The following IL1RAPL1 variants were observed in gnomAD, a reference collection of about 807,000 sequenced individuals.
IL1RAPL1 encodes the protein interleukin-1 receptor accessory protein-like 1.
Under a neutral mutation model 48.4 loss-of-function variants are expected in IL1RAPL1, and 3 were observed. That is an observed-to-expected ratio of 0.06 (90% confidence interval 0.03 to 0.16). The LOEUF (loss-of-function observed/expected upper bound fraction) is 0.16, where lower values mean the gene tolerates loss of function less well. Ranked by LOEUF, IL1RAPL1 falls within the 10% of genes least tolerant of loss-of-function variation. IL1RAPL1 has a pLI of 1.00. For missense variants in IL1RAPL1, 349 were observed against 530.6 expected, an observed-to-expected ratio of 0.66 and a Z score of 3.36; for synonymous variants, 185 against 187.7, an observed-to-expected ratio of 0.99 and a Z score of 0.12.
chrX:29,151,926 A>G (rs1484139204), intron 2 of IL1RAPL1, among the ~76,000 whole-genome samples: 1 of 111,920 alleles, frequency 8.9e-6, no homozygotes, highest in Non-Finnish European at 1.9e-5. Flanking sequence ...CTGCCAGCCT[A>G]TATATTATTT....
intron 5 of IL1RAPL1, among the ~76,000 whole-genome samples, chrX:29,634,051 CAAG>C (rs779418699): frequency 2.5e-4 from 28 of 111,662 alleles, no homozygotes; most frequent in Non-Finnish European, 4.5e-4. Context: ...ATTGTACAGA[CAAG>C]AAGATTTAAG....
intron 5 of IL1RAPL1, among the ~76,000 whole-genome samples, chrX:29,437,362 T>A (rs1602234639): frequency 9.0e-6 from 1 of 110,697 alleles, no homozygotes; most frequent in Admixed American, 9.6e-5. Flanking sequence ...ATAAGGACAG[T>A]TTTATTTCTT....
At chrX:28,805,336 C>T (rs1452494706) in intron 2 of IL1RAPL1, among the ~76,000 whole-genome samples, 5 of 111,426 alleles carry the variant, frequency 4.5e-5, no homozygotes, top group Non-Finnish European at 7.6e-5. Flanking sequence ...TATTTCTAGT[C>T]TATATTTTTC....
intron 2 of IL1RAPL1, among the ~76,000 whole-genome samples, chrX:28,852,420 T>G (rs956340052): frequency 5.4e-5 from 6 of 110,494 alleles, no homozygotes; most frequent in East Asian, 2.8e-4. Flanking sequence ...AATTTGTGTA[T>G]TTTATGGTGT....
At chrX:28,732,710 A>C (rs1207970665) in intron 1 of IL1RAPL1, among the ~76,000 whole-genome samples, 2 of 110,579 alleles carry the variant, frequency 1.8e-5, no homozygotes, top group African/African-American at 6.6e-5. Flanking sequence ...CTCTACTAAA[A>C]ATACAAAAAT....
intron 1 of IL1RAPL1, among the ~76,000 whole-genome samples, chrX:28,688,247 A>G (rs1358784888): frequency 9.2e-6 from 1 of 108,302 alleles, no homozygotes; most frequent in African/African-American, 3.4e-5. Flanking sequence ...GCTGGAGTGC[A>G]GTGATGTGAT....
intron 2 of IL1RAPL1, among the ~76,000 whole-genome samples, chrX:29,172,025 T>C (rs1369538294): frequency 8.9e-6 from 1 of 112,500 alleles, no homozygotes; most frequent in Non-Finnish European, 1.9e-5. Context: ...AAGATGTCTT[T>C]AATAACCCAA....
chrX:29,382,468 T>C (rs1451353185), intron 3 of IL1RAPL1, among the ~76,000 whole-genome samples: 1 of 111,593 alleles, frequency 9.0e-6, no homozygotes, highest in African/African-American at 3.3e-5. Flanking sequence ...GTGTAATTAT[T>C]CCACCTCCCC....
At chrX:29,803,143 A>ATG (rs768733635) in intron 6 of IL1RAPL1, among the ~76,000 whole-genome samples, 2 of 92,192 alleles carry the variant, frequency 2.2e-5, no homozygotes, top group Non-Finnish European at 2.1e-5. Flanking sequence ...GCATATATGT[A>ATG]TATATGTGTA....
At chrX:29,801,587 G>A (rs1470848223) in intron 6 of IL1RAPL1, among the ~76,000 whole-genome samples, 1 of 112,142 alleles carries the variant, frequency 8.9e-6, no homozygotes, top group Non-Finnish European at 1.9e-5. Flanking sequence ...TGAAGTCCCT[G>A]ACATTTAGAA....
At chrX:29,162,901 A>G (rs1030537725) in intron 2 of IL1RAPL1, among the ~76,000 whole-genome samples, 6 of 109,360 alleles carry the variant, frequency 5.5e-5, no homozygotes, top group Admixed American at 3.0e-4. Flanking sequence ...GTAAAACCCC[A>G]TATCTACTAA....
intron 6 of IL1RAPL1, among the ~76,000 whole-genome samples, chrX:29,772,659 G>A (rs1173695437): frequency 1.8e-5 from 2 of 112,045 alleles, no homozygotes; most frequent in East Asian, 5.6e-4. Flanking sequence ...TTTTGTACAA[G>A]ACAATGGGTA....
intron 1 of IL1RAPL1, among the ~76,000 whole-genome samples, chrX:28,754,963 T>G (rs770564461): frequency 1.8e-5 from 2 of 112,037 alleles, no homozygotes; most frequent in Non-Finnish European, 3.8e-5. Context: ...ATTAAATATC[T>G]GCACAAATAA....
chrX:28,689,390 G>A (rs1202055523), intron 1 of IL1RAPL1, among the ~76,000 whole-genome samples: 2 of 110,918 alleles, frequency 1.8e-5, no homozygotes, highest in Non-Finnish European at 3.8e-5. Context: ...GCTGCCACAT[G>A]AAGAAGTACA....
chrX:28,837,497 A>G (rs1181671635), intron 2 of IL1RAPL1, among the ~76,000 whole-genome samples: 2 of 109,888 alleles, frequency 1.8e-5, no homozygotes, highest in African/African-American at 3.3e-5. Context: ...ATGATTGATT[A>G]GAGTGTTACA....
chrX:28,931,722 T>G (rs988576907), intron 2 of IL1RAPL1, among the ~76,000 whole-genome samples: 3 of 111,808 alleles, frequency 2.7e-5, no homozygotes, highest in Admixed American at 9.6e-5. Context: ...AAACTTATTT[T>G]TCAAATGGTG....
At chrX:29,657,192 A>T (rs1925709197) in intron 5 of IL1RAPL1, among the ~76,000 whole-genome samples, 1 of 111,624 alleles carries the variant, frequency 9.0e-6, no homozygotes, top group Non-Finnish European at 1.9e-5. Flanking sequence ...ATAGGTAATA[A>T]AACCACTTTT....
chrX:28,688,612 G>A (rs767309199), intron 1 of IL1RAPL1, among the ~76,000 whole-genome samples: 7 of 111,709 alleles, frequency 6.3e-5, no homozygotes, highest in African/African-American at 2.3e-4. Flanking sequence ...TTGAAAACAG[G>A]GAAACAGGGT....
At chrX:29,684,244 C>T (rs1009746555) in intron 6 of IL1RAPL1, among the ~76,000 whole-genome samples, 1 of 111,708 alleles carries the variant, frequency 9.0e-6, no homozygotes, top group African/African-American at 3.3e-5. Flanking sequence ...AAGATCAAGG[C>T]GCCAGCAGAT....
Sources: allele counts gnomAD v4.1 joint callset (sites outside exome capture counted in the v4.1 genomes callset), GRCh38; gene constraint gnomAD v4.1.1; transcripts MANE v1.5; gene names NCBI Gene and HGNC (gene_info 2026-07-23, HGNC 2026-07-21).